The following CAB39 variants were observed in gnomAD, a reference collection of about 807,000 sequenced individuals.
The protein encoded by CAB39 is calcium binding protein 39.
A neutral mutation model predicts 40.0 loss-of-function variants in CAB39; 8 were observed. That is an observed-to-expected ratio of 0.20 (90% CI 0.12 to 0.36). CAB39 has a LOEUF of 0.36. CAB39 is among the 10% of genes least tolerant of loss of function. CAB39 has a pLI of 1.00. For synonymous variants in CAB39, 156 were observed against 141.6 expected, an observed-to-expected ratio of 1.10 and a Z score of -0.72; for missense variants, 270 against 401.1, an observed-to-expected ratio of 0.67 and a Z score of 2.79.
intron 4 of CAB39, among the ~76,000 whole-genome samples, 153 bp from the exon 5 acceptor site, chr2:230,798,576 C>G (rs887657174): frequency 6.6e-6 from 1 of 152,176 alleles, no homozygotes; most frequent in Admixed American, 6.5e-5. Context: ...ATGCTCTGCT[C>G]CGACTGAAAT....
At chr2:230,766,629 G>A (rs143174086) in intron 2 of CAB39, among the ~76,000 whole-genome samples, 191 of 152,276 alleles carry the variant, frequency 1.3e-3, no homozygotes, top group Middle Eastern at 0.01. Flanking sequence ...TCCACCTCCC[G>A]GGCTCAATCA....
At position 230,786,678 on chromosome 2, in the gene CAB39, G is replaced by A. The variant is rs574031548; in HGVS notation, c.115-4194G>A. Among the ~76,000 whole-genome samples, 4 of 152,296 alleles carry A rather than the reference G, an allele frequency of 2.6e-5. No homozygotes were observed. The East Asian group carries it at 7.7e-4, about 29-fold the overall frequency. On this transcript the variant is annotated intron_variant, in intron 2 of 8. Transcript: ENST00000258418. Reference sequence around the variant, plus strand: ...TTAAAACTTTGATCTAACCAGAGAAGCAAAGGAGGCTGAGGCCTCCTACTT... The same window carrying A: ...TTAAAACTTTGATCTAACCAGAGAAACAAAGGAGGCTGAGGCCTCCTACTT...
chr2:230,717,135 AT>A (rs1346788065), intron 1 of CAB39, among the ~76,000 whole-genome samples: 1 of 152,218 alleles, frequency 6.6e-6, no homozygotes, highest in Non-Finnish European at 1.5e-5. Flanking sequence ...AGGTGGATTA[AT>A]TTGGATAACA....
At chr2:230,817,376 GGTTA>G (rs1337003417) in intron 7 of CAB39, among the ~76,000 whole-genome samples, 3 of 152,208 alleles carry the variant, frequency 2.0e-5, no homozygotes, top group African/African-American at 7.2e-5. Context: ...TAAGGTTTGT[GGTTA>G]GTTAACAGGA....
chr2:230,744,678 AT>A (rs1419593957), intron 1 of CAB39, among the ~76,000 whole-genome samples: 1 of 152,246 alleles, frequency 6.6e-6, no homozygotes, highest in Non-Finnish European at 1.5e-5. Context: ...TCCAGAAAGA[AT>A]TTAAGGGAGC....
At chr2:230,750,882 A>G (rs1197959359) in intron 1 of CAB39, among the ~76,000 whole-genome samples, 2 of 152,214 alleles carry the variant, frequency 1.3e-5, no homozygotes, top group Non-Finnish European at 2.9e-5. Flanking sequence ...AGAAATGTCT[A>G]AGTCAGTTGA....
At chr2:230,765,997 G>A (rs142279674) in intron 2 of CAB39, among the ~76,000 whole-genome samples, 1 of 152,272 alleles carries the variant, frequency 6.6e-6, no homozygotes, top group African/African-American at 2.4e-5. Flanking sequence ...AATTACTTAT[G>A]CTGAAATAGT....
chr2:230,737,320 CT>C (rs907924800), intron 1 of CAB39, among the ~76,000 whole-genome samples: 1 of 152,160 alleles, frequency 6.6e-6, no homozygotes, highest in African/African-American at 2.4e-5. Flanking sequence ...TTTGACAAAA[CT>C]TCAGTGCCTG....
intron 5 of CAB39, among the ~76,000 whole-genome samples, chr2:230,809,909 A>AGCT (rs1696275040): frequency 6.6e-6 from 1 of 152,046 alleles, no homozygotes; most frequent in Non-Finnish European, 1.5e-5. Context: ...CACTACTGTT[A>AGCT]GCTTTGTTTT....
In CAB39 at chr2:230,818,790, A is replaced by G; in HGVS notation, c.*86A>G. On this transcript the variant is annotated 3_prime_UTR_variant, in exon 9 of 9. Coordinates refer to ENST00000258418, the MANE Select transcript of CAB39 (RefSeq NM_016289.4). Reference sequence around the variant, plus strand: ...AGGCACTCTTATTGATTCATGAGGAACATTACTGCTAATCTGCTGTTAAGT... The same window carrying G: ...AGGCACTCTTATTGATTCATGAGGAGCATTACTGCTAATCTGCTGTTAAGT... 9.6e-7 allele frequency: 1 copy of G among 1,036,774 alleles called. No homozygotes were observed. The highest frequency in any genetic ancestry group is 1.4e-6 in the Non-Finnish European group (1 of 693,212). The allele number at this position is 1,036,774 out of a possible 1,614,324, so 64.2% of individuals were successfully genotyped here. A position where few individuals can be genotyped will look rare whatever the true frequency, so the allele number is the denominator to read the frequency against.
At chr2:230,774,259 A>G (rs12468515) in intron 2 of CAB39, among the ~76,000 whole-genome samples, 8,792 of 152,232 alleles carry the variant, frequency 0.058, 366 homozygotes, top group South Asian at 0.08. Context: ...AATGATAAAT[A>G]TAACATTTGA....
chr2:230,802,655 T>C (rs1359593306), intron 5 of CAB39, among the ~76,000 whole-genome samples: 1 of 152,164 alleles, frequency 6.6e-6, no homozygotes, highest in Non-Finnish European at 1.5e-5. Context: ...CTAGAAAATC[T>C]AGAAGAAATG....
rs148926241 is a variant in CAB39, at chr2:230,808,985, C to T, written c.568-1278C>T. ...GGTATTTATGGAACTTACAGTGTAGCATAAGAGAGACTTGAATCAAATAAT... is the reference window on the plus strand; with the variant it reads ...GGTATTTATGGAACTTACAGTGTAGTATAAGAGAGACTTGAATCAAATAAT... On this transcript the variant is annotated intron_variant, in intron 5 of 8. Coordinates refer to ENST00000258418, the MANE Select transcript of CAB39 (RefSeq NM_016289.4). Among the ~76,000 whole-genome samples, 288 of 152,292 alleles carry T rather than the reference C, an allele frequency of 1.9e-3. 1 individual carries two copies. The highest frequency in any genetic ancestry group is 3.6e-3 in the Non-Finnish European group (245 of 68,028).
Position 230,798,818 on chromosome 2 carries a change from C to T in CAB39, c.488C>T (p.Ser163Leu), listed in dbSNP as rs779895273. 22 of 1,609,914 alleles carry T rather than the reference C, an allele frequency of 1.4e-5. No individual in the cohort carries two copies. Among genetic ancestry groups the T allele is most frequent in the African/African-American group, 4.0e-5 (3 of 74,796 alleles). Residue 163 changes from serine (S) to leucine (L), a missense_variant, in exon 5 of 9, where the codon TCG (serine) becomes TTG (leucine). Coordinates refer to ENST00000258418, the MANE Select transcript of CAB39 (RefSeq NM_016289.4). ...CCACTTGCAAAAATCATTTTGTGGT[C>T]GGAACAGTTTTATGATTTCTTCAGA... ...HEPLAKIILW[S>L]EQFYDFFRYV...
At chr2:230,791,131 G>A in intron 3 of CAB39, 95 bp downstream of exon 3, 3 of 995,986 alleles carry the variant, frequency 3.0e-6, no homozygotes, top group East Asian at 5.5e-5. Flanking sequence ...GATTCCTTTT[G>A]GGCTCTTGGC....
chr2:230,725,513 A>C (rs775799026), intron 1 of CAB39: 25 of 995,560 alleles, frequency 2.5e-5, no homozygotes, highest in Non-Finnish European at 3.9e-5. Flanking sequence ...TTTTAATATC[A>C]AATTTTGTCC....
chr2:230,746,381 C>T (rs1694977178), intron 1 of CAB39, among the ~76,000 whole-genome samples: 1 of 152,160 alleles, frequency 6.6e-6, no homozygotes, highest in Non-Finnish European at 1.5e-5. Flanking sequence ...ATCAATGACT[C>T]ATTCCAGTTT....
rs1265343685 is a variant in CAB39, at chr2:230,819,378, G to T, written c.*674G>T. The stretch of plus-strand genomic sequence containing the variant: ...CTTGTAAACCTGGATATGTTGAAGG[G>T]TATTTGTTAATTTTACTTTTCAAAG... On this transcript the variant is annotated 3_prime_UTR_variant, in exon 9 of 9. Coordinates refer to ENST00000258418, the MANE Select transcript of CAB39 (RefSeq NM_016289.4). 1 of 152,616 alleles carries T rather than the reference G, an allele frequency of 6.6e-6. No individual in the cohort carries two copies. The highest frequency in any genetic ancestry group is 2.4e-5 in the African/African-American group (1 of 41,428). The allele number at this position is 152,616 out of a possible 1,614,324, so 9.5% of individuals were successfully genotyped here.
Position 230,798,142 on chromosome 2 carries a change from T to G in CAB39, c.399-587T>G, listed in dbSNP as rs530137486. The stretch of plus-strand genomic sequence containing the variant: ...AGAGAGCTGATGAGGGGGGTCTGCC[T>G]GCTCTGTGGCCCCTGGGCTCTCTGA... On this transcript the variant is annotated intron_variant, in intron 4 of 8. Transcript: ENST00000258418. 2.9e-3 allele frequency among the ~76,000 whole-genome samples: 446 copies of G among 152,276 alleles called. 2 individuals are homozygous for G. The highest frequency in any genetic ancestry group is 0.01 in the African/African-American group (435 of 41,536).
Sources: allele counts gnomAD v4.1 joint callset (sites outside exome capture counted in the v4.1 genomes callset), GRCh38; gene constraint gnomAD v4.1.1; transcripts MANE v1.5; gene names NCBI Gene and HGNC (gene_info 2026-07-23, HGNC 2026-07-21).